Variants in TPD52L1 observed in about 807,000 individuals in gnomAD.
TPD52L1 encodes the protein tumor protein D53.
A neutral mutation model predicts 28.7 loss-of-function variants in TPD52L1; 18 were observed. The observed-to-expected ratio is 0.63, with a 90% CI of 0.43 to 0.93. The LOEUF (loss-of-function observed/expected upper bound fraction) is 0.93. TPD52L1 is among the 40% of genes least tolerant of loss of function. The pLI is 0.00. For missense variants in TPD52L1, 203 were observed against 254.8 expected, an observed-to-expected ratio of 0.80 and a Z score of 1.39; for synonymous variants, 75 against 88.8, an observed-to-expected ratio of 0.84 and a Z score of 0.88.
At chr6:125,222,586 T>A (rs73771283) in intron 2 of TPD52L1, among the ~76,000 whole-genome samples, 7,560 of 152,262 alleles carry the variant, frequency 0.05, 354 homozygotes, top group African/African-American at 0.12. Context: ...TCCTCGTCTC[T>A]TCTGTGAAAT....
chr6:125,216,228 T>C (rs1218241994), intron 1 of TPD52L1, among the ~76,000 whole-genome samples: 1 of 152,104 alleles, frequency 6.6e-6, no homozygotes, highest in Non-Finnish European at 1.5e-5. Flanking sequence ...TGATGTTGCA[T>C]AAAACTGGTA....
At chr6:125,204,050 G>A (rs1793957776) in intron 1 of TPD52L1, among the ~76,000 whole-genome samples, 1 of 152,128 alleles carries the variant, frequency 6.6e-6, no homozygotes, top group Non-Finnish European at 1.5e-5. Context: ...TTGTCAGGAT[G>A]GCGGATAAGA....
In TPD52L1 at chr6:125,161,401, C is replaced by T. The variant is rs79081955; in HGVS notation, c.19+7431C>T. On this transcript the variant is annotated intron_variant, in intron 1 of 6. Coordinates refer to ENST00000534000, the MANE Select transcript of TPD52L1 (RefSeq NM_003287.4). ...GTGTGTTCAGTGGAATAGCATGCTACGTTTCTTTCAAGAACTTTTCCTTCA... is the reference window on the plus strand; with the variant it reads ...GTGTGTTCAGTGGAATAGCATGCTATGTTTCTTTCAAGAACTTTTCCTTCA... Among the ~76,000 whole-genome samples, 1,380 of 152,286 alleles carry T rather than the reference C, an allele frequency of 9.1e-3. 20 individuals are homozygous for T. Among genetic ancestry groups the T allele is most frequent in the African/African-American group, 0.031 (1,272 of 41,558 alleles).
chr6:125,263,011 A>G lies in TPD52L1; in HGVS notation c.*49A>G, dbSNP rs1442962432. On this transcript the variant is annotated 3_prime_UTR_variant, in exon 7 of 7. Coordinates refer to ENST00000534000, the MANE Select transcript of TPD52L1 (RefSeq NM_003287.4). ...CCAGAAACCGGCCACTACCCAGCCC[A>G]TCTCTGCCTGTGCTTATCCAGATAA... 2.5e-6 allele frequency: 4 copies of G among 1,572,670 alleles called. No individual in the cohort carries two copies. The highest frequency in any genetic ancestry group is 1.9e-5 in the Admixed American group (1 of 53,354).
intron 1 of TPD52L1, among the ~76,000 whole-genome samples, chr6:125,156,287 A>G (rs921615009): frequency 1.1e-4 from 17 of 151,970 alleles, no homozygotes; most frequent in African/African-American, 3.9e-4. Context: ...CAACATAGAG[A>G]GACCTCATCT....
Position 125,253,734 on chromosome 6 carries a change from C to T in TPD52L1, c.404C>T (p.Ser135Phe), listed in dbSNP as rs1163215997. The T allele has an allele frequency of 6.2e-7, 1 of 1,613,236 alleles. No homozygotes were observed. Among genetic ancestry groups the T allele is most frequent in the Middle Eastern group, 1.7e-4 (1 of 6,040 alleles). Residue 135 changes from serine to phenylalanine, a missense_variant, in exon 5 of 7, where the codon TCC becomes TTC. Transcript: ENST00000534000. ...CTCTGAAGTTACTCCATTCGCCATT[C>T]CATAAGTATGCCTGCTATGAGGTAA... is the stretch of plus-strand genomic sequence containing the variant. ...FGDMSYSIRH[S>F]ISMPAMRNSP... is the part of the protein sequence containing the mutation.
chr6:125,253,608 A>T, intron 4 of TPD52L1, 109 bp from the exon 5 acceptor site: 1 of 982,554 alleles, frequency 1.0e-6, no homozygotes, highest in Non-Finnish European at 1.6e-6. Context: ...GGAATATTTC[A>T]GATATTTGGA....
intron 4 of TPD52L1, chr6:125,252,855 G>A (rs1317879401): frequency 6.6e-6 from 1 of 152,182 alleles, no homozygotes; most frequent in Non-Finnish European, 1.5e-5. Context: ...AATGCCCTCA[G>A]TGGATATTAT....
At chr6:125,170,824 C>T (rs945310592) in intron 1 of TPD52L1, among the ~76,000 whole-genome samples, 4 of 152,118 alleles carry the variant, frequency 2.6e-5, no homozygotes, top group Admixed American at 2.6e-4. Context: ...TCTAGCTGAG[C>T]CTTTGTTTAG....
chr6:125,259,879 C>T (rs1797812786), intron 6 of TPD52L1: 1 of 152,110 alleles, frequency 6.6e-6, no homozygotes, highest in South Asian at 2.1e-4. Context: ...AGAGAAGGGT[C>T]CAGGAGAATT....
At chr6:125,199,862 A>G (rs1793692485) in intron 1 of TPD52L1, among the ~76,000 whole-genome samples, 1 of 152,234 alleles carries the variant, frequency 6.6e-6, no homozygotes, top group Non-Finnish European at 1.5e-5. Context: ...CTTTGGAGCC[A>G]TAGAGCACCT....
chr6:125,195,877 A>T (rs201040857), intron 1 of TPD52L1, among the ~76,000 whole-genome samples: 2 of 152,170 alleles, frequency 1.3e-5, no homozygotes, highest in East Asian at 1.9e-4. Context: ...GCGCTATCAC[A>T]GCCAGGCCAG....
intron 1 of TPD52L1, chr6:125,154,446 G>C (rs1789977631): frequency 1.0e-6 from 1 of 987,118 alleles, no homozygotes; most frequent in Non-Finnish European, 1.2e-6. Context: ...TCCGCAGCCC[G>C]GCTGCGCGAG....
chr6:125,212,805 T>G (rs948840535), intron 1 of TPD52L1, among the ~76,000 whole-genome samples: 4 of 152,228 alleles, frequency 2.6e-5, no homozygotes, highest in Non-Finnish European at 2.9e-5. Context: ...ATTTGTGGTG[T>G]TGTTCAGCTC....
rs3799741 is a variant in TPD52L1 at position 125,227,265 on chromosome 6, G to A, written c.136-1853G>A. On this transcript the variant is annotated intron_variant, in intron 2 of 6. Transcript: ENST00000534000. ...CAGTATTTCTGCTTGTTTTGCTTAC[G>A]TGATTATTTGTGTATATAAAGGTTC... 4.0e-4 allele frequency among the ~76,000 whole-genome samples: 61 copies of A among 152,228 alleles called. No homozygotes were observed. In the East Asian group the frequency reaches 0.01, roughly 26 times the overall value.
Position 125,194,132 on chromosome 6 carries a change from GT to G in TPD52L1, c.20-25941del, listed in dbSNP as rs557918458. On this transcript the variant is annotated intron_variant, in intron 1 of 6. Transcript: ENST00000534000. The stretch of plus-strand genomic sequence containing the variant: ...GACTGGAACTACTTGTGGATTTTGA[GT>G]TTTTGTTTTTGTTTTACTTAATTAT... 1.8e-3 allele frequency among the ~76,000 whole-genome samples: 272 copies of G among 150,242 alleles called. 1 individual carries two copies. The highest frequency in any genetic ancestry group is 5.6e-3 in the Admixed American group (85 of 15,046).
At chr6:125,199,408 G>C (rs1046244665) in intron 1 of TPD52L1, among the ~76,000 whole-genome samples, 2 of 152,220 alleles carry the variant, frequency 1.3e-5, no homozygotes, top group South Asian at 4.1e-4. Context: ...AAAGAGGCCA[G>C]GCGCAGTGGC....
At chr6:125,178,808 TA>T (rs1167515181) in intron 1 of TPD52L1, among the ~76,000 whole-genome samples, 4 of 152,174 alleles carry the variant, frequency 2.6e-5, no homozygotes, top group Non-Finnish European at 5.9e-5. Flanking sequence ...TTAATTAATT[TA>T]GGCTACTTCC....
chr6:125,229,065 T>C, intron 2 of TPD52L1, 53 bp from the exon 3 acceptor site: 1 of 1,579,646 alleles, frequency 6.3e-7, no homozygotes, highest in Non-Finnish European at 8.6e-7. Flanking sequence ...TCTGTAAGTA[T>C]CCTTTTTTGC....
Sources: allele counts gnomAD v4.1 joint callset (sites outside exome capture counted in the v4.1 genomes callset), GRCh38; gene constraint gnomAD v4.1.1; transcripts MANE v1.5; gene names NCBI Gene and HGNC (gene_info 2026-07-23, HGNC 2026-07-21).